The following PRKCH variants were observed in gnomAD, a reference collection of about 807,000 sequenced individuals.
The protein encoded by PRKCH is protein kinase C eta type.
PRKCH carries 28 observed loss-of-function variants against 82.5 expected under a neutral mutation model. The ratio of observed to expected loss-of-function variants is 0.34; its 90% CI spans 0.25 to 0.47. The LOEUF (loss-of-function observed/expected upper bound fraction) is 0.47. Among genes scored for constraint, PRKCH ranks in the 20% least tolerant of loss-of-function variants. The pLI, the probability that PRKCH is intolerant of heterozygous loss-of-function variation, is 1.00. For synonymous variants in PRKCH, 322 were observed against 327.4 expected (o/e 0.98, Z 0.18); for missense variants, 705 against 881.8 (o/e 0.80, Z 2.54).
intron 10 of PRKCH, among the ~76,000 whole-genome samples, chr14:61,494,849 T>C (rs1886597113): frequency 1.3e-5 from 2 of 152,240 alleles, no homozygotes; most frequent in African/African-American, 4.8e-5. Context: ...ATGCTTTTCT[T>C]TGAAACCAAA....
At chr14:61,513,854 A>G (rs2042783285) in intron 10 of PRKCH, among the ~76,000 whole-genome samples, 1 of 152,098 alleles carries the variant, frequency 6.6e-6, no homozygotes, top group Non-Finnish European at 1.5e-5. Flanking sequence ...CCCTGGGCAG[A>G]GGAGGACATA....
intron 2 of PRKCH, among the ~76,000 whole-genome samples, chr14:61,437,674 G>A (rs1883741433): frequency 6.6e-6 from 1 of 152,068 alleles, no homozygotes; most frequent in South Asian, 2.1e-4. Context: ...AGTGCAGGGT[G>A]TGTGGAAGAT....
intron 10 of PRKCH, among the ~76,000 whole-genome samples, chr14:61,499,484 C>G (rs1047933872): frequency 5.3e-5 from 8 of 152,114 alleles, no homozygotes; most frequent in Admixed American, 2.6e-4. Flanking sequence ...GAAGGTGGCG[C>G]TTTGACTGCC....
intron 1 of PRKCH, among the ~76,000 whole-genome samples, chr14:61,284,529 C>T (rs2045297854): frequency 1.3e-5 from 2 of 152,176 alleles, no homozygotes; most frequent in African/African-American, 2.4e-5. Context: ...TCCATGTATA[C>T]ACTATATTTC....
intron 10 of PRKCH, among the ~76,000 whole-genome samples, chr14:61,491,690 T>C (rs1469749203): frequency 6.6e-6 from 1 of 152,242 alleles, no homozygotes; most frequent in Non-Finnish European, 1.5e-5. Context: ...AAATGGGGTC[T>C]TCCCTTTTCC....
At chr14:61,522,723 C>G (rs752214289) in intron 10 of PRKCH, among the ~76,000 whole-genome samples, 25 of 152,102 alleles carry the variant, frequency 1.6e-4, no homozygotes, top group Non-Finnish European at 3.5e-4. Flanking sequence ...GTGTGGTGAT[C>G]TGTCTGCTTC....
At chr14:61,406,005 A>C (rs1406379950) in intron 2 of PRKCH, among the ~76,000 whole-genome samples, 1 of 152,210 alleles carries the variant, frequency 6.6e-6, no homozygotes. Flanking sequence ...AATTTTGAAA[A>C]ATACAGATTC....
chr14:61,305,338 C>T (rs1378455621), intron 1 of PRKCH: 3 of 151,722 alleles, frequency 2.0e-5, no homozygotes, highest in Non-Finnish European at 4.4e-5. Flanking sequence ...CATGTGCCAC[C>T]ATGCCCAGCT....
chr14:61,446,383 G>C (rs1230399165), intron 4 of PRKCH, among the ~76,000 whole-genome samples: 1 of 152,202 alleles, frequency 6.6e-6, no homozygotes. Flanking sequence ...CCTGTCATTT[G>C]GGTTCCCCCT....
At chr14:61,260,001 G>T (rs900865144) in intron 1 of PRKCH, among the ~76,000 whole-genome samples, 2 of 152,168 alleles carry the variant, frequency 1.3e-5, no homozygotes, top group African/African-American at 2.4e-5. Context: ...TCCCAAATGG[G>T]TCTGTGACCC....
intron 1 of PRKCH, among the ~76,000 whole-genome samples, chr14:61,204,128 G>T (rs1276554120): frequency 6.6e-6 from 1 of 151,968 alleles, no homozygotes; most frequent in Non-Finnish European, 1.5e-5. Context: ...GGCAACCAGA[G>T]CCCTTTATAA....
chr14:61,378,443 TGA>T, intron 1 of PRKCH, among the ~76,000 whole-genome samples: 1 of 152,068 alleles, frequency 6.6e-6, no homozygotes, highest in Non-Finnish European at 1.5e-5. Flanking sequence ...TGGCCTCAAG[TGA>T]TCTTCCTATC....
At chr14:61,300,171 A>C (rs1230980779) in intron 1 of PRKCH, among the ~76,000 whole-genome samples, 1 of 151,868 alleles carries the variant, frequency 6.6e-6, no homozygotes, top group African/African-American at 2.4e-5. Context: ...TGAGCATTTC[A>C]TTCAGTATCT....
At chr14:61,307,009 C>CTAT (rs980691586) in intron 1 of PRKCH, 1 of 152,164 alleles carries the variant, frequency 6.6e-6, no homozygotes, top group African/African-American at 2.4e-5. Context: ...TAATATGCTT[C>CTAT]TATTTTTTTA....
At chr14:61,216,259 A>G (rs369602088) in intron 1 of PRKCH, among the ~76,000 whole-genome samples, 5 of 152,130 alleles carry the variant, frequency 3.3e-5, no homozygotes, top group Admixed American at 6.5e-5. Context: ...TAAGGTCGGG[A>G]GTTCAAGACC....
At chr14:61,228,270 G>A (rs1369212251) in intron 1 of PRKCH, among the ~76,000 whole-genome samples, 9 of 152,326 alleles carry the variant, frequency 5.9e-5, no homozygotes, top group East Asian at 3.9e-4. Context: ...AAACAAGGTC[G>A]AAAGTTGAAG....
At chr14:61,334,716 T>C (rs1057259210) in intron 1 of PRKCH, among the ~76,000 whole-genome samples, 1 of 152,164 alleles carries the variant, frequency 6.6e-6, no homozygotes, top group Non-Finnish European at 1.5e-5. Flanking sequence ...TCCCTCCATC[T>C]CTGATGATTA....
chr14:61,516,593 G>A (rs1318695498), intron 10 of PRKCH, among the ~76,000 whole-genome samples: 1 of 152,150 alleles, frequency 6.6e-6, no homozygotes, highest in East Asian at 1.9e-4. Flanking sequence ...CCCTTTGGTT[G>A]CAAAACCAAG....
At chr14:61,236,726 A>AAAAAAAAAAG (rs1566790085) in intron 1 of PRKCH, among the ~76,000 whole-genome samples, 9 of 147,056 alleles carry the variant, frequency 6.1e-5, no homozygotes, top group African/African-American at 1.5e-4. Flanking sequence ...AAAAAAAAAA[A>AAAAAAAAAAG]AAAAAGAAAA....
Sources: gnomAD v4.1 joint callset for allele counts (sites outside exome capture counted in the v4.1 genomes callset) on GRCh38, gnomAD v4.1.1 for gene constraint, MANE v1.5 for transcripts, NCBI Gene and HGNC (gene_info 2026-07-23, HGNC 2026-07-21) for gene names.